BMPR1B: variants seen among roughly 807,000 people sequenced by gnomAD.
BMPR1B encodes bone morphogenetic protein receptor type-1B.
Under a neutral mutation model 59.1 loss-of-function variants are expected in BMPR1B, and 12 were observed. That is an observed-to-expected ratio of 0.20 (90% CI 0.13 to 0.33). The LOEUF is 0.33. Among genes scored for constraint, BMPR1B ranks in the 10% least tolerant of loss-of-function variants. The probability of loss-of-function intolerance (pLI) is 1.00; values close to 1 mark genes in which losing one functional copy is unlikely to be tolerated. For missense variants in BMPR1B, 550 were observed against 610.9 expected (o/e 0.90, Z 1.05); for synonymous variants, 237 against 207.3 (o/e 1.14, Z -1.23).
intron 2 of BMPR1B, among the ~76,000 whole-genome samples, chr4:94,957,971 CTACTA>C (rs1422932492): frequency 6.6e-6 from 1 of 152,034 alleles, no homozygotes; most frequent in African/African-American, 2.4e-5. Flanking sequence ...TGGAAACTGA[CTACTA>C]TATATATTCT....
chr4:95,060,954 C>T (rs544358092), intron 3 of BMPR1B, among the ~76,000 whole-genome samples: 1 of 152,080 alleles, frequency 6.6e-6, no homozygotes, highest in African/African-American at 2.4e-5. Flanking sequence ...TTTTGAGTTC[C>T]CGGGCAATAT....
At chr4:95,005,217 G>A (rs1442064951) in intron 3 of BMPR1B, among the ~76,000 whole-genome samples, 1 of 152,088 alleles carries the variant, frequency 6.6e-6, no homozygotes, top group African/African-American at 2.4e-5. Flanking sequence ...GTCCAAACTA[G>A]TACTATAAAT....
intron 1 of BMPR1B, among the ~76,000 whole-genome samples, chr4:94,873,413 T>C (rs1324609154): frequency 6.6e-6 from 1 of 150,920 alleles, no homozygotes; most frequent in Non-Finnish European, 1.5e-5. Flanking sequence ...ATGAATTCTT[T>C]TTTTTTTTTT....
chr4:95,115,864 T>C (rs1363729868), intron 6 of BMPR1B, 77 bp downstream of exon 6: 3 of 1,315,818 alleles, frequency 2.3e-6, no homozygotes, highest in South Asian at 2.4e-5. Context: ...AATCGTTCTC[T>C]CTCAATCTAC....
At chr4:94,957,612 CT>C (rs1361218572) in intron 2 of BMPR1B, among the ~76,000 whole-genome samples, 1 of 151,810 alleles carries the variant, frequency 6.6e-6, no homozygotes, top group Non-Finnish European at 1.5e-5. Flanking sequence ...TCTACTGTTC[CT>C]TTAGCTCCTC....
At chr4:94,758,260 G>A (rs1473092425) in intron 1 of BMPR1B, among the ~76,000 whole-genome samples, 192 bp downstream of exon 1, 1 of 147,958 alleles carries the variant, frequency 6.8e-6, no homozygotes, top group Non-Finnish European at 1.5e-5. Context: ...AGCGAGGGCG[G>A]GCTGCGCGGC....
In BMPR1B at chr4:94,949,748, CAT is replaced by C. The variant is rs1474961601; in HGVS notation, c.-112-46290_-112-46289del. Among the ~76,000 whole-genome samples, 4 of 152,276 alleles carry C rather than the reference CAT, an allele frequency of 2.6e-5. No homozygotes were observed. The East Asian group carries it at 7.7e-4, about 29-fold the overall frequency. On this transcript the variant is annotated intron_variant, in intron 2 of 12. Coordinates refer to ENST00000515059, the MANE Select transcript of BMPR1B (RefSeq NM_001203.3). ...CTATTGTGAATAGTGCCACAATAAACATACGTGTGCATGTGTCTTTAAAGTAG... is the reference window on the plus strand; with the variant it reads ...CTATTGTGAATAGTGCCACAATAAACACGTGTGCATGTGTCTTTAAAGTAG...
chr4:94,970,305 T>TCTTCTCTTCTCTTCC (rs61339660), intron 2 of BMPR1B, among the ~76,000 whole-genome samples: 3 of 122,958 alleles, frequency 2.4e-5, no homozygotes, highest in Admixed American at 8.0e-5. Flanking sequence ...TCTTCTCTTC[T>TCTTCTCTTCTCTTCC]TTCTCTCTCT....
intron 1 of BMPR1B, among the ~76,000 whole-genome samples, chr4:94,786,382 T>G (rs1356929492): frequency 6.6e-6 from 1 of 151,570 alleles, no homozygotes; most frequent in East Asian, 1.9e-4. Context: ...TTTTTTTTTT[T>G]TTTGAAGAGA....
chr4:94,817,031 C>A (rs139557443), intron 1 of BMPR1B, among the ~76,000 whole-genome samples: 86 of 152,202 alleles, frequency 5.7e-4, no homozygotes, highest in Non-Finnish European at 9.9e-4. Context: ...ACTTGAGAGA[C>A]TTGATTCACT....
chr4:95,098,351 T>C (rs1032868503), intron 3 of BMPR1B, among the ~76,000 whole-genome samples: 3 of 152,176 alleles, frequency 2.0e-5, no homozygotes, highest in African/African-American at 7.2e-5. Context: ...TTCTGTCTTG[T>C]TTATGATCCA....
intron 6 of BMPR1B, among the ~76,000 whole-genome samples, chr4:95,122,469 TG>T (rs1579115255): frequency 6.6e-6 from 1 of 152,210 alleles, no homozygotes; most frequent in East Asian, 1.9e-4. Flanking sequence ...TCATTATGTA[TG>T]TATTAAAATA....
chr4:94,858,886 C>A (rs1168647202), intron 1 of BMPR1B, among the ~76,000 whole-genome samples: 24 of 152,156 alleles, frequency 1.6e-4, no homozygotes, highest in Admixed American at 1.6e-3. Flanking sequence ...CACTTAAATT[C>A]TTCTAATTAT....
chr4:94,957,027 G>A (rs115951283), intron 2 of BMPR1B, among the ~76,000 whole-genome samples: 4,415 of 152,266 alleles, frequency 0.029, 206 homozygotes, highest in African/African-American at 0.1. Flanking sequence ...GATACACACA[G>A]CATTCAATGA....
At chr4:95,105,520 G>C (rs1053889904) in intron 4 of BMPR1B, among the ~76,000 whole-genome samples, 1 of 151,496 alleles carries the variant, frequency 6.6e-6, no homozygotes. Context: ...AGGTTTTTAA[G>C]TTTCCCATGA....
At chr4:94,904,747 A>C (rs192136030) in intron 2 of BMPR1B, among the ~76,000 whole-genome samples, 85 of 152,036 alleles carry the variant, frequency 5.6e-4, no homozygotes, top group Non-Finnish European at 1.1e-3. Context: ...ATATATGAAA[A>C]AGATTGGTTT....
chr4:94,910,488 A>G (rs1357730951), intron 2 of BMPR1B, among the ~76,000 whole-genome samples: 1 of 152,138 alleles, frequency 6.6e-6, no homozygotes, highest in African/African-American at 2.4e-5. Context: ...GCAAGATTCA[A>G]TCTAGCTAAG....
At chr4:95,069,163 C>CCT (rs1728083472) in intron 3 of BMPR1B, among the ~76,000 whole-genome samples, 2 of 152,296 alleles carry the variant, frequency 1.3e-5, no homozygotes, top group African/African-American at 4.8e-5. Flanking sequence ...TTGAATCTGA[C>CCT]CACTTCTCAT....
intron 2 of BMPR1B, among the ~76,000 whole-genome samples, chr4:94,930,883 G>A (rs956698044): frequency 2.0e-5 from 3 of 151,910 alleles, no homozygotes; most frequent in Non-Finnish European, 4.4e-5. Context: ...AATATCCAGA[G>A]CACTTTACAA....
Sources: allele counts gnomAD v4.1 joint callset (sites outside exome capture counted in the v4.1 genomes callset), GRCh38; gene constraint gnomAD v4.1.1; transcripts MANE v1.5; gene names NCBI Gene and HGNC (gene_info 2026-07-23, HGNC 2026-07-21).